Variants in MYRIP observed in about 807,000 individuals in gnomAD.
MYRIP encodes the protein myosin VIIA and Rab interacting protein, also known as rab effector MyRIP.
A neutral mutation model predicts 98.0 loss-of-function variants in MYRIP; 49 were observed. The observed-to-expected ratio is 0.50, with a 90% confidence interval of 0.40 to 0.63. The LOEUF (loss-of-function observed/expected upper bound fraction) is 0.63. Ranked by LOEUF, MYRIP falls within the 30% of genes least tolerant of loss-of-function variation. The pLI is 0.00. For missense variants in MYRIP, 1,004 were observed against 1,058.2 expected, an observed-to-expected ratio of 0.95 and a Z score of 0.71; for synonymous variants, 404 against 409.5, an observed-to-expected ratio of 0.99 and a Z score of 0.16.
chr3:40,005,533 A>G (rs988627046), intron 2 of MYRIP, among the ~76,000 whole-genome samples: 2 of 152,268 alleles, frequency 1.3e-5, no homozygotes, highest in Non-Finnish European at 1.5e-5. Context: ...AGTTTTCAAA[A>G]TAATACAGAT....
At chr3:40,052,174 T>C (rs576117350) in intron 3 of MYRIP, among the ~76,000 whole-genome samples, 5 of 152,256 alleles carry the variant, frequency 3.3e-5, no homozygotes, top group South Asian at 2.1e-4. Flanking sequence ...CCAACTTCTC[T>C]TCATCCCTTC....
chr3:40,154,259 C>T (rs905529366), intron 4 of MYRIP, among the ~76,000 whole-genome samples: 2 of 152,174 alleles, frequency 1.3e-5, no homozygotes, highest in Non-Finnish European at 2.9e-5. Flanking sequence ...GAACCTTTCT[C>T]CTTCTCCTGC....
rs1559468768 is a variant in MYRIP, at chr3:40,234,059, A to T, written c.2100+6A>T. 1 of 1,594,050 alleles carries T rather than the reference A, an allele frequency of 6.3e-7. No individual in the cohort carries two copies. The highest frequency in any genetic ancestry group is 2.2e-5 in the East Asian group (1 of 44,698). ...TGACTTCCCTGGAAGAAAATGTAAG[A>T]GGGTATGGAGGTGCCCTGTCTAGGG... On this transcript the variant is annotated splice_donor_region_variant and intron_variant, in intron 12 of 16. Transcript: ENST00000302541.
At chr3:39,917,364 C>A (rs889276998) in intron 2 of MYRIP, among the ~76,000 whole-genome samples, 3 of 147,904 alleles carry the variant, frequency 2.0e-5, no homozygotes, top group Non-Finnish European at 4.5e-5. Flanking sequence ...AATGAGCCTT[C>A]ATAGCAAAGT....
At chr3:40,175,554 G>GC (rs1375967103) in intron 8 of MYRIP, among the ~76,000 whole-genome samples, 4 of 152,016 alleles carry the variant, frequency 2.6e-5, no homozygotes, top group Admixed American at 6.5e-5. Context: ...CCCATGTCTT[G>GC]CCCCCCGATG....
At chr3:40,125,195 T>G (rs907554226) in intron 3 of MYRIP, among the ~76,000 whole-genome samples, 1 of 152,194 alleles carries the variant, frequency 6.6e-6, no homozygotes, top group Non-Finnish European at 1.5e-5. Context: ...AGCTCTGTAA[T>G]AGAGTTCTCT....
At chr3:40,187,831 G>A (rs1951079048) in intron 9 of MYRIP, among the ~76,000 whole-genome samples, 1 of 152,212 alleles carries the variant, frequency 6.6e-6, no homozygotes, top group East Asian at 1.9e-4. Context: ...GAGAGGCCAT[G>A]ATATAAGCAG....
chr3:39,996,709 C>T (rs1380774884), intron 2 of MYRIP, among the ~76,000 whole-genome samples: 1 of 152,176 alleles, frequency 6.6e-6, no homozygotes, highest in East Asian at 1.9e-4. Flanking sequence ...GAACTCTCCA[C>T]CTCAAATCAA....
At chr3:39,818,657 T>TG (rs569403150) in intron 1 of MYRIP, among the ~76,000 whole-genome samples, 264 of 152,280 alleles carry the variant, frequency 1.7e-3, no homozygotes, top group Admixed American at 0.013. Context: ...TCTTTAATTT[T>TG]GGGGGGGTAT....
chr3:40,226,974 C>T (rs1333271662), intron 11 of MYRIP, among the ~76,000 whole-genome samples: 2 of 152,300 alleles, frequency 1.3e-5, no homozygotes, highest in Admixed American at 6.5e-5. Flanking sequence ...CTTTCTTGTG[C>T]TTCCAAACCT....
At chr3:40,054,988 G>A (rs184504709) in intron 3 of MYRIP, among the ~76,000 whole-genome samples, 70 of 152,170 alleles carry the variant, frequency 4.6e-4, no homozygotes, top group African/African-American at 1.6e-3. Flanking sequence ...GAGCAATTAG[G>A]GTAATAAGAA....
At chr3:40,058,466 A>G (rs1947929124) in intron 3 of MYRIP, among the ~76,000 whole-genome samples, 1 of 152,184 alleles carries the variant, frequency 6.6e-6, no homozygotes, top group Admixed American at 6.5e-5. Flanking sequence ...TTTAATCATC[A>G]AGCTAAGTTA....
At chr3:40,073,147 C>T (rs1357175605) in intron 3 of MYRIP, among the ~76,000 whole-genome samples, 3 of 152,176 alleles carry the variant, frequency 2.0e-5, no homozygotes, top group Non-Finnish European at 1.5e-5. Context: ...ACTCTCACAA[C>T]TACATGAGTT....
At chr3:40,050,699 A>G (rs1947777247) in intron 3 of MYRIP, among the ~76,000 whole-genome samples, 1 of 152,208 alleles carries the variant, frequency 6.6e-6, no homozygotes, top group African/African-American at 2.4e-5. Context: ...TTGGCAAAGT[A>G]AATTGAAAAC....
intron 12 of MYRIP, among the ~76,000 whole-genome samples, chr3:40,243,834 T>C (rs1352845905): frequency 3.9e-5 from 6 of 152,328 alleles, no homozygotes; most frequent in African/African-American, 1.4e-4. Flanking sequence ...TTTTAACAGC[T>C]CTCAACAATT....
chr3:40,049,229 A>G (rs1292025037), intron 3 of MYRIP, among the ~76,000 whole-genome samples: 1 of 152,202 alleles, frequency 6.6e-6, no homozygotes, highest in East Asian at 1.9e-4. Context: ...CAGATATTAC[A>G]TTTTTTACAA....
intron 1 of MYRIP, among the ~76,000 whole-genome samples, chr3:39,846,396 C>A (rs921300082): frequency 6.6e-6 from 1 of 152,212 alleles, no homozygotes; most frequent in Non-Finnish European, 1.5e-5. Context: ...CTGTCTCCCA[C>A]CTTTCCTTTT....
intron 9 of MYRIP, 45 bp downstream of exon 9, chr3:40,182,418 G>C (rs367792894): frequency 6.3e-7 from 1 of 1,580,616 alleles, no homozygotes; most frequent in African/African-American, 1.4e-5. Flanking sequence ...GGTTTCAAAA[G>C]TGTGGTTTGG....
At chr3:40,019,048 A>G (rs1294139968) in intron 2 of MYRIP, among the ~76,000 whole-genome samples, 3 of 152,198 alleles carry the variant, frequency 2.0e-5, no homozygotes, top group African/African-American at 7.2e-5. Flanking sequence ...ATTGTTACCA[A>G]AAGTTTTAAC....
Sources: allele counts gnomAD v4.1 joint callset (sites outside exome capture counted in the v4.1 genomes callset), GRCh38; gene constraint gnomAD v4.1.1; transcripts MANE v1.5; gene names NCBI Gene and HGNC (gene_info 2026-07-23, HGNC 2026-07-21).